Variants in EREG observed in about 807,000 individuals in gnomAD.
The protein encoded by EREG is epiregulin.
Under a neutral mutation model 22.4 loss-of-function variants are expected in EREG, and 23 were observed. That is an observed-to-expected ratio of 1.03 (90% CI 0.74 to 1.46). The LOEUF is 1.46. Among genes scored for constraint, EREG ranks in the 40% most tolerant of loss-of-function variants. EREG has a pLI of 0.00. For synonymous variants in EREG, 100 were observed against 75.4 expected (o/e 1.33, Z -1.69); for missense variants, 226 against 205.9 (o/e 1.10, Z -0.60).
chr4:74,370,085 C>T (rs1752264711), intron 1 of EREG, among the ~76,000 whole-genome samples: 1 of 152,182 alleles, frequency 6.6e-6, no homozygotes, highest in African/African-American at 2.4e-5. Context: ...GTATCCTTTA[C>T]TGTCAATGCC....
intron 1 of EREG, among the ~76,000 whole-genome samples, chr4:74,374,982 G>C (rs924201590): frequency 2.6e-5 from 4 of 152,142 alleles, no homozygotes; most frequent in Admixed American, 6.6e-5. Context: ...CCAATTTTGA[G>C]TTTACAGATC....
chr4:74,371,054 A>T (rs1039397602), intron 1 of EREG, among the ~76,000 whole-genome samples: 1 of 152,150 alleles, frequency 6.6e-6, no homozygotes, highest in Non-Finnish European at 1.5e-5. Flanking sequence ...TAGCATCCCC[A>T]GTCGTGACAA....
rs1453004399 is a variant in EREG at position 74,387,188 on chromosome 4, T to G, written c.*2380T>G. 6.6e-6 allele frequency: 1 copy of G among 152,154 alleles called. No individual in the cohort carries two copies. Among genetic ancestry groups the G allele is most frequent in the Non-Finnish European group, 1.5e-5 (1 of 68,028 alleles). 9.4% of individuals were successfully genotyped at this position (152,154 alleles called of 1,614,324 possible). A position where few individuals can be genotyped will look rare whatever the true frequency, so the allele number is the denominator to read the frequency against. ...ACTATGCCCTTTTATATAAGTGACT[T>G]GAACATCTGTGCCCGATTTTAGTAT... On this transcript the variant is annotated 3_prime_UTR_variant, in exon 5 of 5. Coordinates refer to ENST00000244869, the MANE Select transcript of EREG (RefSeq NM_001432.3).
At chr4:74,375,629 T>G (rs1752369159) in intron 1 of EREG, among the ~76,000 whole-genome samples, 1 of 152,084 alleles carries the variant, frequency 6.6e-6, no homozygotes, top group Non-Finnish European at 1.5e-5. Context: ...GCGCCCGGCC[T>G]GACCAGCGAT....
chr4:74,371,568 T>G (rs1161444568), intron 1 of EREG, among the ~76,000 whole-genome samples: 1 of 152,214 alleles, frequency 6.6e-6, no homozygotes, highest in African/African-American at 2.4e-5. Context: ...TTTCTCAAAG[T>G]TCTGTTATTT....
At chr4:74,383,212 G>A (rs140712325) in intron 4 of EREG, among the ~76,000 whole-genome samples, 2 of 152,080 alleles carry the variant, frequency 1.3e-5, no homozygotes, top group Admixed American at 1.3e-4. Flanking sequence ...TCTTACATTA[G>A]TTATAGGGTG....
At position 74,384,731 on chromosome 4, in the gene EREG, A is replaced by G. The variant is rs34477425; in HGVS notation, c.433A>G (p.Arg145Gly). 22 of 1,604,814 alleles carry G rather than the reference A, an allele frequency of 1.4e-5. No individual in the cohort carries two copies. In the African/African-American group the frequency reaches 2.7e-4, roughly 20 times the overall value. ...GSTYYFCRWYRNRKSKEPKKE... is the reference protein window; with the variant it reads ...GSTYYFCRWYGNRKSKEPKKE... Reference sequence around the variant, plus strand: ...TTCGTTTGTGAATATTTCCAGGTACAGAAATCGAAAAAGTAAAGAACCAAA... The same window carrying G: ...TTCGTTTGTGAATATTTCCAGGTACGGAAATCGAAAAAGTAAAGAACCAAA... The change falls in exon 5 of 5, where the codon AGA becomes GGA. Residue 145 changes from arginine (R) to glycine (G), a missense_variant. Physicochemically the swap from Arg to Gly is moderately radical, Grantham distance 125. Transcript: ENST00000244869.
At chr4:74,378,601 T>TAACA (rs1392513867) in intron 1 of EREG, among the ~76,000 whole-genome samples, 3 of 152,208 alleles carry the variant, frequency 2.0e-5, no homozygotes, top group Non-Finnish European at 4.4e-5. Flanking sequence ...ATTTACTATA[T>TAACA]AACAGTTACT....
chr4:74,382,383 TACAAAACACC>T lies in EREG; in HGVS notation c.279-259_279-250del, dbSNP rs2110389416. The T allele has an allele frequency of 1.2e-5, 4 of 337,082 alleles. No homozygotes were observed. In the East Asian group the frequency reaches 1.9e-4, roughly 16 times the overall value. The allele number at this position is 337,082 out of a possible 1,614,324, so 20.9% of individuals were successfully genotyped here. On this transcript the variant is annotated intron_variant, in intron 3 of 4. Coordinates refer to ENST00000244869, the MANE Select transcript of EREG (RefSeq NM_001432.3). ...AAAGGAATCTCAAACCTGTACAACT[TACAAAACACC>T]ACTGTGGACTGTCAGCCACCATGAC...
chr4:74,366,042 G>T (rs1011183278), intron 1 of EREG, among the ~76,000 whole-genome samples: 2 of 152,028 alleles, frequency 1.3e-5, no homozygotes, highest in African/African-American at 4.8e-5. Flanking sequence ...GCAGCCTCTG[G>T]AGCAAGCGTT....
chr4:74,368,758 C>G (rs1442166366), intron 1 of EREG, among the ~76,000 whole-genome samples: 3 of 152,110 alleles, frequency 2.0e-5, no homozygotes, highest in Non-Finnish European at 4.4e-5. Context: ...GAGTGTAGGC[C>G]TGTACAAATC....
chr4:74,367,803 A>G (rs1236143822), intron 1 of EREG, among the ~76,000 whole-genome samples: 1 of 152,254 alleles, frequency 6.6e-6, no homozygotes, highest in African/African-American at 2.4e-5. Flanking sequence ...AGGTACCCTC[A>G]CCACCTTCTG....
At chr4:74,370,283 C>T (rs1752268175) in intron 1 of EREG, among the ~76,000 whole-genome samples, 1 of 152,130 alleles carries the variant, frequency 6.6e-6, no homozygotes, top group African/African-American at 2.4e-5. Flanking sequence ...TCCCTCCTTG[C>T]TGGTGCTATA....
At chr4:74,380,258 C>A (rs1752451535) in intron 2 of EREG, among the ~76,000 whole-genome samples, 1 of 135,464 alleles carries the variant, frequency 7.4e-6, no homozygotes, top group Non-Finnish European at 1.6e-5. Flanking sequence ...GGTCAGCCTC[C>A]TCCGCATCAT....
At chr4:74,378,615 A>G (rs980794443) in intron 1 of EREG, among the ~76,000 whole-genome samples, 6 of 152,220 alleles carry the variant, frequency 3.9e-5, no homozygotes, top group African/African-American at 1.2e-4. Context: ...AGTTACTTAA[A>G]TAAATTGGAA....
intron 1 of EREG, among the ~76,000 whole-genome samples, chr4:74,375,944 T>G (rs554140137): frequency 3.9e-5 from 6 of 152,208 alleles, no homozygotes; most frequent in Non-Finnish European, 8.8e-5. Context: ...GTAGGATTAA[T>G]GCAGCAAGTC....
At chr4:74,366,892 A>G (rs1752195318) in intron 1 of EREG, among the ~76,000 whole-genome samples, 1 of 152,144 alleles carries the variant, frequency 6.6e-6, no homozygotes, top group South Asian at 2.1e-4. Context: ...GTTTGTTTGG[A>G]TATTTCTCTG....
At chr4:74,373,105 G>C (rs1752320208) in intron 1 of EREG, among the ~76,000 whole-genome samples, 1 of 150,736 alleles carries the variant, frequency 6.6e-6, no homozygotes, top group African/African-American at 2.4e-5. Context: ...TTACATAAGA[G>C]TTGGTATGTA....
At chr4:74,369,961 G>A (rs573600871) in intron 1 of EREG, among the ~76,000 whole-genome samples, 1 of 151,482 alleles carries the variant, frequency 6.6e-6, no homozygotes, top group South Asian at 2.1e-4. Flanking sequence ...AAAAAAAAAA[G>A]CCTCATTTAG....
Sources: gnomAD v4.1 joint callset for allele counts (sites outside exome capture counted in the v4.1 genomes callset) on GRCh38, gnomAD v4.1.1 for gene constraint, MANE v1.5 for transcripts, NCBI Gene and HGNC (gene_info 2026-07-23, HGNC 2026-07-21) for gene names.